Variants in DNAJC27 observed in about 807,000 individuals in gnomAD.
DNAJC27 encodes the protein DnaJ heat shock protein family (Hsp40) member C27.
DNAJC27 carries 25 observed loss-of-function variants against 31.4 expected under a neutral mutation model. That is an observed-to-expected ratio of 0.80 (90% CI 0.58 to 1.11). DNAJC27 has a LOEUF of 1.11. Among genes scored for constraint, DNAJC27 ranks in the 50% most tolerant of loss-of-function variants. DNAJC27 has a pLI of 0.00. For missense variants in DNAJC27, 356 were observed against 347.3 expected (o/e 1.02, Z -0.20); for synonymous variants, 106 against 112.7 (o/e 0.94, Z 0.37).
Position 24,957,984 on chromosome 2 carries a change from A to C in DNAJC27, c.241-10T>G, listed in dbSNP as rs188835816. On this transcript the variant is annotated splice_polypyrimidine_tract_variant and intron_variant, in intron 3 of 6. Transcript: ENST00000264711. The stretch of plus-strand genomic sequence containing the variant: ...AAAACTCATTTCGAACCTTCAAATA[A>C]AAGGACAGATACACAAAACGTAGTT... 6.2e-7 allele frequency: 1 copy of C among 1,608,936 alleles called. No homozygotes were observed. Among genetic ancestry groups the C allele is most frequent in the East Asian group, 2.2e-5 (1 of 44,808 alleles).
chr2:24,947,594 A>G lies in DNAJC27; in HGVS notation c.*22T>C. 6.3e-7 allele frequency: 1 copy of G among 1,583,372 alleles called. No homozygotes were observed. ...AAGTCTGTTTGCATTTGAGTCCCAC[A>G]TGTGGCTTTTTTCTGTACTTTCTAC... is the stretch of plus-strand genomic sequence containing the variant. On this transcript the variant is annotated 3_prime_UTR_variant, in exon 7 of 7. Transcript: ENST00000264711.
At chr2:24,951,346 G>C (rs1558550714) in intron 6 of DNAJC27, 48 bp downstream of exon 6, 2 of 1,545,546 alleles carry the variant, frequency 1.3e-6, no homozygotes, top group South Asian at 2.5e-5. Flanking sequence ...TGGTGATGGA[G>C]TCTTTCTTTA....
chr2:24,947,573 C>A lies in DNAJC27; in HGVS notation c.*43G>T. 6.4e-7 allele frequency: 1 copy of A among 1,559,272 alleles called. No homozygotes were observed. The highest frequency in any genetic ancestry group is 8.8e-7 in the Non-Finnish European group (1 of 1,142,586). On this transcript the variant is annotated 3_prime_UTR_variant, in exon 7 of 7. Transcript: ENST00000264711. ...TGGTTATTTCACCTCTAGGGAAAGT[C>A]TGTTTGCATTTGAGTCCCACATGTG...
intron 1 of DNAJC27, among the ~76,000 whole-genome samples, chr2:24,967,510 G>A (rs551390600): frequency 5.2e-4 from 79 of 152,226 alleles, no homozygotes; most frequent in African/African-American, 1.7e-3. Flanking sequence ...AGATTAGCCT[G>A]GCCAACATGG....
rs777336562 is a variant in DNAJC27 at position 24,957,900 on chromosome 2, G to A, written c.315C>T (p.Asp105=). ...VYDVGQKDSF[D]ALDAWLAEMK... ...TTTCTGCCAGCCACGCATCAAGGGC[G>A]TCAAAGGAGTCTTTCTGCCCAACAT... The change falls in exon 4 of 7, where the codon GAC becomes GAT. Residue 105 remains aspartate, a synonymous_variant. Coordinates refer to ENST00000264711, the MANE Select transcript of DNAJC27 (RefSeq NM_016544.3). 52 of 1,614,024 alleles carry A rather than the reference G, an allele frequency of 3.2e-5. No individual in the cohort carries two copies. The highest frequency in any genetic ancestry group is 4.2e-5 in the Non-Finnish European group (49 of 1,179,966).
intron 2 of DNAJC27, among the ~76,000 whole-genome samples, chr2:24,964,924 C>T (rs1006743840): frequency 1.3e-5 from 2 of 152,128 alleles, no homozygotes; most frequent in Non-Finnish European, 2.9e-5. Flanking sequence ...AGGTAAATTT[C>T]AGGCTGGACG....
chr2:24,960,221 A>AGT (rs1666008346), intron 3 of DNAJC27, among the ~76,000 whole-genome samples: 1 of 152,200 alleles, frequency 6.6e-6, no homozygotes, highest in African/African-American at 2.4e-5. Flanking sequence ...ATCTGTGATC[A>AGT]GTGATATCTG....
In DNAJC27 at chr2:24,947,449, A is replaced by G; in HGVS notation, c.*167T>C. Reference sequence around the variant, plus strand: ...TTCATACAAATGCAGGTCATTTCTCAGTAAAATGTCTATGAAATGGGTACC... The same window carrying G: ...TTCATACAAATGCAGGTCATTTCTCGGTAAAATGTCTATGAAATGGGTACC... On this transcript the variant is annotated 3_prime_UTR_variant, in exon 7 of 7. Transcript: ENST00000264711. 1.3e-6 allele frequency: 1 copy of G among 744,954 alleles called. No homozygotes were observed. Among genetic ancestry groups the G allele is most frequent in the Non-Finnish European group, 2.2e-6 (1 of 464,834 alleles). The allele number at this position is 744,954 out of a possible 1,614,324, so 46.1% of individuals were successfully genotyped here.
rs764657963 is a variant in DNAJC27 at position 24,971,866 on chromosome 2, C to T, written c.39G>A (p.Arg13=). 6.2e-7 allele frequency: 1 copy of T among 1,609,496 alleles called. No homozygotes were observed. Reference sequence around the variant, plus strand: ...TGGAGATGACTTTGATGCGGAGAGACCTGCCGGGCTCCTTCCGCTTCGGCA... The same window carrying T: ...TGGAGATGACTTTGATGCGGAGAGATCTGCCGGGCTCCTTCCGCTTCGGCA... ...ANMPKRKEPG[R]SLRIKVISMG... Residue 13 remains arginine, a synonymous_variant, in exon 1 of 7, where the codon AGG becomes AGA. Transcript: ENST00000264711.
chr2:24,951,330 T>C, intron 6 of DNAJC27, 64 bp downstream of exon 6: 2 of 1,487,238 alleles, frequency 1.3e-6, no homozygotes, highest in South Asian at 1.4e-5. Flanking sequence ...ACTGCACCTA[T>C]AATTTTGGTG....
chr2:24,968,124 TTCACAGAGTATTGTACA>T (rs1390820092), intron 1 of DNAJC27, among the ~76,000 whole-genome samples: 1 of 152,216 alleles, frequency 6.6e-6, no homozygotes, highest in Non-Finnish European at 1.5e-5. Context: ...AAGTACTCAC[TTCACAGAGTATTGTACA>T]TACTTCTAGA....
intron 5 of DNAJC27, 96 bp downstream of exon 5, chr2:24,956,947 A>T: frequency 7.1e-7 from 1 of 1,415,830 alleles, no homozygotes; most frequent in Non-Finnish European, 9.6e-7. Context: ...TATTCTAATG[A>T]GAAATTCCTA....
At chr2:24,959,282 C>G (rs1245423727) in intron 3 of DNAJC27, among the ~76,000 whole-genome samples, 1 of 152,158 alleles carries the variant, frequency 6.6e-6, no homozygotes, top group Non-Finnish European at 1.5e-5. Flanking sequence ...TCCAGCTTAC[C>G]ACCAAAATCC....
At chr2:24,954,340 A>G (rs1160221746) in intron 5 of DNAJC27, among the ~76,000 whole-genome samples, 1 of 152,142 alleles carries the variant, frequency 6.6e-6, no homozygotes, top group Non-Finnish European at 1.5e-5. Flanking sequence ...GAGTGGAGAT[A>G]TTGCCTTAAC....
chr2:24,969,796 T>G (rs1666283059), intron 1 of DNAJC27, among the ~76,000 whole-genome samples: 1 of 152,224 alleles, frequency 6.6e-6, no homozygotes, highest in South Asian at 2.1e-4. Context: ...TATTTTTAAA[T>G]GGCTGATACA....
At chr2:24,963,134 T>C in intron 3 of DNAJC27, 1 of 376,552 alleles carries the variant, frequency 2.7e-6, no homozygotes, top group East Asian at 4.2e-5. Flanking sequence ...GGCTAAAGTA[T>C]GAGGTAAAAA....
At chr2:24,962,500 C>T (rs1018706349) in intron 3 of DNAJC27, among the ~76,000 whole-genome samples, 1 of 152,134 alleles carries the variant, frequency 6.6e-6, no homozygotes, top group African/African-American at 2.4e-5. Context: ...AGGTGATCCA[C>T]CCTTCTCGGC....
intron 6 of DNAJC27, among the ~76,000 whole-genome samples, chr2:24,949,026 T>C (rs1474966089): frequency 6.6e-6 from 1 of 152,106 alleles, no homozygotes; most frequent in Non-Finnish European, 1.5e-5. Flanking sequence ...GGTCATAGGG[T>C]CATGTTAACA....
intron 1 of DNAJC27, among the ~76,000 whole-genome samples, chr2:24,968,345 A>C (rs1282178505): frequency 6.6e-6 from 1 of 152,186 alleles, no homozygotes; most frequent in Non-Finnish European, 1.5e-5. Flanking sequence ...GGCATTCCTT[A>C]ATTTTTAACT....
Sources: allele counts gnomAD v4.1 joint callset (sites outside exome capture counted in the v4.1 genomes callset), GRCh38; gene constraint gnomAD v4.1.1; transcripts MANE v1.5; gene names NCBI Gene and HGNC (gene_info 2026-07-23, HGNC 2026-07-21).